ZNF141: variants seen among roughly 807,000 people sequenced by gnomAD.
ZNF141 encodes the protein zinc finger protein 141, also known as zinc finger protein 141 (clone pHZ-44).
In ZNF141, 7 loss-of-function variants were observed where a neutral mutation model predicts 11.3. That is an observed-to-expected ratio of 0.62 (90% confidence interval 0.35 to 1.16). The LOEUF (loss-of-function observed/expected upper bound fraction) is 1.16, where lower values mean the gene tolerates loss of function less well. Among genes scored for constraint, ZNF141 ranks in the 50% most tolerant of loss-of-function variants. The pLI, the probability that ZNF141 is intolerant of heterozygous loss-of-function variation, is 0.02. For missense variants in ZNF141, 535 were observed against 554.0 expected, an observed-to-expected ratio of 0.97 and a Z score of 0.34; for synonymous variants, 183 against 190.7, an observed-to-expected ratio of 0.96 and a Z score of 0.33.
intron 3 of ZNF141, among the ~76,000 whole-genome samples, chr4:346,900 C>CCCCCT: frequency 6.8e-6 from 1 of 147,544 alleles, no homozygotes; most frequent in African/African-American, 2.6e-5. Context: ...CACACCGCCC[C>CCCCCT]CCCCATATAT....
intron 3 of ZNF141, among the ~76,000 whole-genome samples, chr4:356,715 T>C (rs1426016610): frequency 6.6e-6 from 1 of 152,206 alleles, no homozygotes; most frequent in Non-Finnish European, 1.5e-5. Flanking sequence ...GCTAAATCTT[T>C]CTATATTTAA....
rs1261957652 is a variant in ZNF141, at chr4:377,141, G to A, written c.*3279G>A. 6.6e-6 allele frequency among the ~76,000 whole-genome samples: 1 copy of A among 152,048 alleles called. No homozygotes were observed. The highest frequency in any genetic ancestry group is 1.5e-5 in the Non-Finnish European group (1 of 67,992). On this transcript the variant is annotated 3_prime_UTR_variant, in exon 4 of 4. Coordinates refer to ENST00000240499, the MANE Select transcript of ZNF141 (RefSeq NM_003441.4). ...ATATAAGCTGTTTTCTTTAGTTATT[G>A]TTCCTTTCAGTTTTTGTAATTGACA... is the stretch of plus-strand genomic sequence containing the variant.
Position 381,883 on chromosome 4 carries a change from TG to T in ZNF141, c.*8022del, listed in dbSNP as rs1229331375. On this transcript the variant is annotated 3_prime_UTR_variant, in exon 4 of 4. Transcript: ENST00000240499. ...GCTGGGGCCACCAGAAGGGTCAAGA[TG>T]AAATTGCTCAGAGAAACAGGAGGGC... Among the ~76,000 whole-genome samples the T allele has an allele frequency of 9.3e-5, 14 of 150,686 alleles. No individual in the cohort carries two copies. The highest frequency in any genetic ancestry group is 6.6e-5 in the Admixed American group (1 of 15,122).
At position 376,401 on chromosome 4, in the gene ZNF141, T is replaced by C. The variant is rs2108658397; in HGVS notation, c.*2539T>C. ...TTATACAGGCATACAACATGTAATA[T>C]ACCAGAGTAAATGAGTTATTCATCA... On this transcript the variant is annotated 3_prime_UTR_variant, in exon 4 of 4. Transcript: ENST00000240499. Among the ~76,000 whole-genome samples the C allele has an allele frequency of 6.6e-6, 1 of 152,210 alleles. No individual in the cohort carries two copies. Among genetic ancestry groups the C allele is most frequent in the Non-Finnish European group, 1.5e-5 (1 of 67,908 alleles).
Position 379,249 on chromosome 4 carries a change from C to T in ZNF141, c.*5387C>T, listed in dbSNP as rs559276679. ...TAGTGTCTTACATATGTATGATTAC[C>T]ATCAGCACTAGAAATTCCAGGTACT... is the stretch of plus-strand genomic sequence containing the variant. On this transcript the variant is annotated 3_prime_UTR_variant, in exon 4 of 4. Transcript: ENST00000240499. Among the ~76,000 whole-genome samples the T allele has an allele frequency of 8.5e-5, 13 of 152,232 alleles. No individual in the cohort carries two copies. The South Asian group carries it at 2.7e-3, about 32-fold the overall frequency.
At chr4:344,591 C>T (rs782507459) in intron 3 of ZNF141, among the ~76,000 whole-genome samples, 161 bp downstream of exon 3, 9 of 152,148 alleles carry the variant, frequency 5.9e-5, no homozygotes, top group African/African-American at 1.9e-4. Context: ...GTCAAGAGAT[C>T]GAGATCATCC....
At chr4:357,800 G>A (rs1223052772) in intron 3 of ZNF141, among the ~76,000 whole-genome samples, 33 of 150,192 alleles carry the variant, frequency 2.2e-4, no homozygotes, top group Admixed American at 2.0e-3. Flanking sequence ...TGCGCCTCCC[G>A]GATTCAAGCA....
Position 383,838 on chromosome 4 carries a change from G to C in ZNF141, c.*9976G>C, listed in dbSNP as rs2108665362. On this transcript the variant is annotated 3_prime_UTR_variant, in exon 4 of 4. Transcript: ENST00000240499. Reference sequence around the variant, plus strand: ...GACCAAATCCTTCATTCAGATAAGGGGTAGCTGATAGGAACCTCAAAAGGA... The same window carrying C: ...GACCAAATCCTTCATTCAGATAAGGCGTAGCTGATAGGAACCTCAAAAGGA... The C allele has an allele frequency of 6.6e-6, 1 of 152,358 alleles. No homozygotes were observed. Among genetic ancestry groups the C allele is most frequent in the Non-Finnish European group, 1.5e-5 (1 of 68,076 alleles). 9.4% of individuals were successfully genotyped at this position (152,358 alleles called of 1,614,324 possible). A position where few individuals can be genotyped will look rare whatever the true frequency, so the allele number is the denominator to read the frequency against.
intron 3 of ZNF141, among the ~76,000 whole-genome samples, chr4:346,890 CACA>C (rs1336336737): frequency 7.9e-6 from 1 of 125,796 alleles, no homozygotes; most frequent in Non-Finnish European, 1.7e-5. Context: ...CACACACACA[CACA>C]CCGCCCCCCC....
intron 3 of ZNF141, among the ~76,000 whole-genome samples, chr4:355,759 A>G (rs1721811202): frequency 6.6e-6 from 1 of 152,184 alleles, no homozygotes; most frequent in South Asian, 2.1e-4. Flanking sequence ...TATAAAGAAT[A>G]GAAGTTTACT....
At chr4:351,264 C>T (rs1232641316) in intron 3 of ZNF141, among the ~76,000 whole-genome samples, 3 of 149,722 alleles carry the variant, frequency 2.0e-5, no homozygotes, top group Non-Finnish European at 3.0e-5. Context: ...GACAGAGTCT[C>T]GCTCTGCCAC....
chr4:371,118 T>TTATATATATA (rs149751505), intron 3 of ZNF141, among the ~76,000 whole-genome samples: 77 of 147,140 alleles, frequency 5.2e-4, no homozygotes, highest in African/African-American at 1.9e-3. Flanking sequence ...ATGTTTTCAT[T>TTATATATATA]TATATATATA....
rs369790914 is a variant in ZNF141, at chr4:357,917, C to T, written c.226+13487C>T. Among the ~76,000 whole-genome samples, 212 of 151,894 alleles carry T rather than the reference C, an allele frequency of 1.4e-3. 1 individual carries two copies. Among genetic ancestry groups the T allele is most frequent in the South Asian group, 3.3e-3 (16 of 4,818 alleles). On this transcript the variant is annotated intron_variant, in intron 3 of 3. Coordinates refer to ENST00000240499, the MANE Select transcript of ZNF141 (RefSeq NM_003441.4). Reference sequence around the variant, plus strand: ...TGTATTTGTAGTAGAGACAGGATTTCGCCATGTTGGCCAGGATGGTCTCGA... The same window carrying T: ...TGTATTTGTAGTAGAGACAGGATTTTGCCATGTTGGCCAGGATGGTCTCGA...
intron 3 of ZNF141, among the ~76,000 whole-genome samples, chr4:346,496 T>C (rs1343360087): frequency 6.6e-6 from 1 of 152,194 alleles, no homozygotes; most frequent in Non-Finnish European, 1.5e-5. Flanking sequence ...TTGTAGCAAA[T>C]TTAAAGCATA....
Position 373,442 on chromosome 4 carries a change from A to G in ZNF141, c.1005A>G (p.Gly335=). The change falls in exon 4 of 4, where the codon GGA becomes GGG. Residue 335 remains glycine (G), a synonymous_variant. Coordinates refer to ENST00000240499, the MANE Select transcript of ZNF141 (RefSeq NM_003441.4). ...CTAAACATAAGAGAATTCATACTGGAGAGAAACCCTACACATGTGAAGAAT... is the reference window on the plus strand; with the variant it reads ...CTAAACATAAGAGAATTCATACTGGGGAGAAACCCTACACATGTGAAGAAT... ...TLTKHKRIHT[G]EKPYTCEECG... 1.9e-6 allele frequency: 3 copies of G among 1,614,158 alleles called. No individual in the cohort carries two copies. The highest frequency in any genetic ancestry group is 2.5e-6 in the Non-Finnish European group (3 of 1,180,020).
At chr4:368,169 C>G (rs1325931036) in intron 3 of ZNF141, among the ~76,000 whole-genome samples, 5 of 152,094 alleles carry the variant, frequency 3.3e-5, no homozygotes, top group African/African-American at 1.2e-4. Flanking sequence ...ACAGTGCCAT[C>G]AACATTTATC....
At chr4:345,228 C>T (rs1282016869) in intron 3 of ZNF141, among the ~76,000 whole-genome samples, 2 of 152,070 alleles carry the variant, frequency 1.3e-5, no homozygotes, top group Non-Finnish European at 2.9e-5. Context: ...CCTATGGAGG[C>T]TGCAAATGTA....
rs1184086211 is a variant in ZNF141 at position 381,952 on chromosome 4, T to TA, written c.*8090_*8091insA. 7.0e-6 allele frequency among the ~76,000 whole-genome samples: 1 copy of TA among 142,204 alleles called. No homozygotes were observed. The highest frequency in any genetic ancestry group is 2.8e-5 in the African/African-American group (1 of 35,672). The allele number at this position is 142,204 out of a possible 152,430, so 93.3% of individuals were successfully genotyped here. On this transcript the variant is annotated 3_prime_UTR_variant, in exon 4 of 4. Coordinates refer to ENST00000240499, the MANE Select transcript of ZNF141 (RefSeq NM_003441.4). ...CCACCACCATCTCTGGGAACTTTTT[T>TA]TTTTTTTTTTTTTGAGACGGAGTCT...
In ZNF141 at chr4:371,134, A is replaced by ATATT. The variant is rs1712037697; in HGVS notation, c.227-1529_227-1528insATTT. 8.1e-5 allele frequency among the ~76,000 whole-genome samples: 12 copies of ATATT among 148,100 alleles called. No homozygotes were observed. In the South Asian group the frequency reaches 2.3e-3, roughly 29 times the overall value. On this transcript the variant is annotated intron_variant, in intron 3 of 3. Coordinates refer to ENST00000240499, the MANE Select transcript of ZNF141 (RefSeq NM_003441.4). The stretch of plus-strand genomic sequence containing the variant: ...TGTTTTCATTTATATATATATATAT[A>ATATT]TTTTAATTATATTTAGTTTTGTTAC...
Sources: gnomAD v4.1 joint callset for allele counts (sites outside exome capture counted in the v4.1 genomes callset) on GRCh38, gnomAD v4.1.1 for gene constraint, MANE v1.5 for transcripts, NCBI Gene and HGNC (gene_info 2026-07-23, HGNC 2026-07-21) for gene names.